Variants in SYTL5 observed in about 807,000 individuals in gnomAD.
SYTL5 encodes synaptotagmin like 5.
Under a neutral mutation model 55.9 loss-of-function variants are expected in SYTL5, and 34 were observed. That is an observed-to-expected ratio of 0.61 (90% CI 0.46 to 0.81). SYTL5 has a LOEUF of 0.81. Among genes scored for constraint, SYTL5 ranks in the 30% least tolerant of loss-of-function variants. The probability of loss-of-function intolerance (pLI) is 0.00; values close to 1 mark genes in which losing one functional copy is unlikely to be tolerated. For synonymous variants in SYTL5, 221 were observed against 188.7 expected (o/e 1.17, Z -1.40); for missense variants, 637 against 546.7 (o/e 1.17, Z -1.65).
At chrX:37,975,474 G>A in the SYTL5 span, among the ~76,000 whole-genome samples, 2 of 111,871 alleles carry the variant, frequency 1.8e-5, no homozygotes, top group African/African-American at 3.3e-5. Context: ...AGAGAGTGAT[G>A]AGGTTAAAAA....
chrX:37,895,584 T>A, the SYTL5 span, among the ~76,000 whole-genome samples: 1 of 108,408 alleles, frequency 9.2e-6, no homozygotes, highest in Non-Finnish European at 1.9e-5. Context: ...TGCAAAAGAG[T>A]AATGCCATTT....
chrX:38,000,985 C>T, the SYTL5 span, among the ~76,000 whole-genome samples: 4 of 111,043 alleles, frequency 3.6e-5, no homozygotes, highest in Admixed American at 1.9e-4. Context: ...TTTCTCTGCC[C>T]GCGAAGATCT....
chrX:38,080,826 G>C, intron 6 of SYTL5, among the ~76,000 whole-genome samples: 1 of 111,390 alleles, frequency 9.0e-6, no homozygotes, highest in Non-Finnish European at 1.9e-5. Context: ...TGCAATTAAG[G>C]TGCCAATTAG....
chrX:37,940,199 T>G, the SYTL5 span, among the ~76,000 whole-genome samples: 23 of 110,819 alleles, frequency 2.1e-4, no homozygotes, highest in African/African-American at 7.2e-4. Flanking sequence ...CCACACAGAT[T>G]CTGAGACCAC....
intron 3 of SYTL5, among the ~76,000 whole-genome samples, chrX:38,064,720 G>A (rs1486836081): frequency 9.0e-6 from 1 of 110,979 alleles, no homozygotes; most frequent in Admixed American, 9.6e-5. Flanking sequence ...TTTAAGGTGA[G>A]TCTCTTTTAT....
chrX:38,012,100 G>C (rs1260314872), intron 1 of SYTL5, among the ~76,000 whole-genome samples: 2 of 111,678 alleles, frequency 1.8e-5, no homozygotes, highest in Admixed American at 1.9e-4. Context: ...GACTTATCCA[G>C]GCTAATTTGA....
intron 6 of SYTL5, 42 bp downstream of exon 6, chrX:38,076,743 A>G (rs1173364782): frequency 8.5e-7 from 1 of 1,175,204 alleles, no homozygotes; most frequent in Non-Finnish European, 1.2e-6. Flanking sequence ...GCCTGAGGTT[A>G]AGGTTGATAT....
chrX:38,124,765 T>C (rs1238795684), intron 15 of SYTL5, among the ~76,000 whole-genome samples: 1 of 112,136 alleles, frequency 8.9e-6, no homozygotes, highest in Non-Finnish European at 1.9e-5. Context: ...GATTGTCACT[T>C]TGAGGGACAG....
the SYTL5 span, among the ~76,000 whole-genome samples, chrX:37,911,039 C>A: frequency 2.0e-5 from 2 of 101,544 alleles, no homozygotes; most frequent in African/African-American, 7.8e-5. Context: ...CATCTCAGCT[C>A]ACTACAACCT....
chrX:37,981,215 A>C, the SYTL5 span, among the ~76,000 whole-genome samples: 17,239 of 111,926 alleles, frequency 0.15, 2,393 homozygotes, highest in African/African-American at 0.44. Context: ...TTAATCAGAG[A>C]TATAGACAAA....
the SYTL5 span, among the ~76,000 whole-genome samples, chrX:37,897,212 C>T: frequency 1.9e-5 from 2 of 104,369 alleles, no homozygotes; most frequent in East Asian, 3.1e-4. Context: ...GGGCCGGGTG[C>T]GGTGGCTCAT....
At chrX:38,125,054 T>C (rs1461790099) in intron 15 of SYTL5, among the ~76,000 whole-genome samples, 2 of 111,770 alleles carry the variant, frequency 1.8e-5, no homozygotes, top group African/African-American at 6.5e-5. Context: ...CAATAGTGTC[T>C]ATTACAGGAG....
intron 13 of SYTL5, among the ~76,000 whole-genome samples, chrX:38,119,615 C>T (rs895172961): frequency 8.9e-6 from 1 of 112,365 alleles, no homozygotes; most frequent in African/African-American, 3.2e-5. Flanking sequence ...CCAGTTTTTA[C>T]TATTACAAAT....
In SYTL5 at chrX:38,128,646, G is replaced by A. The variant is rs1937727189; in HGVS notation, c.*1916G>A. 8.9e-6 allele frequency: 1 copy of A among 111,776 alleles called. No homozygotes were observed. Among genetic ancestry groups the A allele is most frequent in the Non-Finnish European group, 1.9e-5 (1 of 53,186 alleles). 9.2% of individuals were successfully genotyped at this position (111,776 alleles called of 1,213,427 possible). On this transcript the variant is annotated 3_prime_UTR_variant, in exon 17 of 17. Coordinates refer to ENST00000297875, the MANE Select transcript of SYTL5 (RefSeq NM_138780.3). ...CCAGTTTCAATTTTATTCAGAAGTA[G>A]GTCACCTAATTCTAGAAAATGGTTA...
In SYTL5 at chrX:38,122,080, G is replaced by A; in HGVS notation, c.1706G>A (p.Gly569Glu). The change falls in exon 15 of 17, where the codon GGA becomes GAA. Residue 569 changes from glycine to glutamate, a missense_variant and splice_region_variant. Gly to Glu is a moderately conservative substitution (Grantham distance 98). Coordinates refer to ENST00000297875, the MANE Select transcript of SYTL5 (RefSeq NM_138780.3). The stretch of plus-strand genomic sequence containing the variant: ...TCCCTCATTTTGGTGGCTGACACAG[G>A]AAATAAGACTTTTAAAAAGGGAAAG... ...NLMLPPEQLQ[G>E]NKTFKKGKKK... The A allele has an allele frequency of 8.5e-7, 1 of 1,174,583 alleles. No individual in the cohort carries two copies. Among genetic ancestry groups the A allele is most frequent in the Non-Finnish European group, 1.1e-6 (1 of 874,868 alleles).
chrX:38,041,101 C>T (rs760466723), intron 2 of SYTL5, among the ~76,000 whole-genome samples: 1 of 111,603 alleles, frequency 9.0e-6, no homozygotes, highest in African/African-American at 3.3e-5. Flanking sequence ...TTATGGTTTT[C>T]TCTTAATGTG....
chrX:38,101,253 T>C (rs1169021625), intron 9 of SYTL5, among the ~76,000 whole-genome samples: 1 of 111,260 alleles, frequency 9.0e-6, no homozygotes, highest in Non-Finnish European at 1.9e-5. Flanking sequence ...AAGGGGCTTG[T>C]GATATGGACA....
chrX:37,987,878 A>G, the SYTL5 span, among the ~76,000 whole-genome samples: 7 of 111,916 alleles, frequency 6.3e-5, 2 homozygotes, highest in Admixed American at 6.6e-4. Context: ...TTTTACAGTG[A>G]CATTAGCTGC....
chrX:37,939,410 A>G, the SYTL5 span, among the ~76,000 whole-genome samples: 1 of 112,352 alleles, frequency 8.9e-6, no homozygotes, highest in Non-Finnish European at 1.9e-5. Flanking sequence ...TTATTCTTCT[A>G]TCCTTCCTCT....
Sources: gnomAD v4.1 joint callset for allele counts (sites outside exome capture counted in the v4.1 genomes callset) on GRCh38, gnomAD v4.1.1 for gene constraint, MANE v1.5 for transcripts, NCBI Gene and HGNC (gene_info 2026-07-23, HGNC 2026-07-21) for gene names.